CNTNAP5: variants seen among roughly 807,000 people sequenced by gnomAD.
CNTNAP5 encodes the protein contactin associated protein family member 5.
A neutral mutation model predicts 150.2 loss-of-function variants in CNTNAP5; 72 were observed. That is an observed-to-expected ratio of 0.48 (90% confidence interval 0.40 to 0.58). The LOEUF (loss-of-function observed/expected upper bound fraction) is 0.58, where lower values mean the gene tolerates loss of function less well. Ranked by LOEUF, CNTNAP5 falls within the 20% of genes least tolerant of loss-of-function variation. CNTNAP5 has a pLI of 0.00. For missense variants in CNTNAP5, 1,636 were observed against 1,626.2 expected (o/e 1.01, Z -0.10); for synonymous variants, 672 against 619.8 (o/e 1.08, Z -1.25).
intron 7 of CNTNAP5, among the ~76,000 whole-genome samples, chr2:124,484,414 GAAGT>G (rs1693824670): frequency 6.6e-6 from 1 of 152,162 alleles, no homozygotes; most frequent in Non-Finnish European, 1.5e-5. Context: ...ATCTTTGAAG[GAAGT>G]AAGATTAAAT....
In CNTNAP5 at chr2:124,707,602, T is replaced by A. The variant is rs13026815; in HGVS notation, c.2078-39627T>A. 7.8e-3 allele frequency among the ~76,000 whole-genome samples: 1,179 copies of A among 151,134 alleles called. 9 individuals carry two copies. The highest frequency in any genetic ancestry group is 0.024 in the Middle Eastern group (7 of 290). ...CAATATCCCAAACAAAATAATCACA[T>A]TCCTCGATGGCCAGAAATTGCTAGA... On this transcript the variant is annotated intron_variant, in intron 13 of 23. Transcript: ENST00000682447.
chr2:124,131,541 A>C (rs991005541), intron 1 of CNTNAP5, among the ~76,000 whole-genome samples: 1 of 152,144 alleles, frequency 6.6e-6, no homozygotes, highest in Non-Finnish European at 1.5e-5. Flanking sequence ...TGTTTCAGCA[A>C]ATTCAATGAT....
At chr2:124,183,366 G>A (rs1685254196) in intron 1 of CNTNAP5, among the ~76,000 whole-genome samples, 1 of 152,074 alleles carries the variant, frequency 6.6e-6, no homozygotes, top group Non-Finnish European at 1.5e-5. Flanking sequence ...ACCTTTAATG[G>A]TTTTCCATCT....
intron 1 of CNTNAP5, among the ~76,000 whole-genome samples, chr2:124,067,708 G>A (rs1682196599): frequency 6.6e-6 from 1 of 152,080 alleles, no homozygotes; most frequent in Non-Finnish European, 1.5e-5. Flanking sequence ...TTTAATCGTT[G>A]TGTTTTCAGA....
Position 124,917,204 on chromosome 2 carries a change from C to G in CNTNAP5, c.*2916C>G, listed in dbSNP as rs1678787568. Among the ~76,000 whole-genome samples the G allele has an allele frequency of 6.6e-6, 1 of 152,034 alleles. No individual in the cohort carries two copies. The highest frequency in any genetic ancestry group is 1.5e-5 in the Non-Finnish European group (1 of 67,960). ...CCACCATGATCTCTTCCACTTAAAT[C>G]CTCAGCCTTCAATAACTGCTGTTTA... On this transcript the variant is annotated 3_prime_UTR_variant, in exon 24 of 24. Transcript: ENST00000682447.
At chr2:124,570,567 C>T (rs1696128630) in intron 11 of CNTNAP5, among the ~76,000 whole-genome samples, 1 of 140,624 alleles carries the variant, frequency 7.1e-6, no homozygotes, top group South Asian at 2.2e-4. Context: ...TGTTGGGGAT[C>T]GGGTTGCTAA....
chr2:124,861,600 A>G (rs2104716203), intron 19 of CNTNAP5, among the ~76,000 whole-genome samples: 1 of 152,012 alleles, frequency 6.6e-6, no homozygotes, highest in East Asian at 1.9e-4. Context: ...AAACAAATAA[A>G]TAAATAAATA....
At chr2:124,320,090 C>G (rs760970998) in intron 3 of CNTNAP5, among the ~76,000 whole-genome samples, 3 of 152,224 alleles carry the variant, frequency 2.0e-5, no homozygotes, top group Non-Finnish European at 4.4e-5. Context: ...TGAACACCCA[C>G]TCTGATTCCA....
chr2:124,255,353 T>C (rs1687281039), intron 3 of CNTNAP5, among the ~76,000 whole-genome samples: 2 of 151,862 alleles, frequency 1.3e-5, no homozygotes, highest in African/African-American at 4.8e-5. Flanking sequence ...TGAAACTCCA[T>C]CTTTACTAAA....
At chr2:124,093,617 A>G (rs1682864853) in intron 1 of CNTNAP5, among the ~76,000 whole-genome samples, 1 of 151,848 alleles carries the variant, frequency 6.6e-6, no homozygotes, top group Non-Finnish European at 1.5e-5. Context: ...AAAATAAAGC[A>G]CATTTGATGT....
chr2:124,336,810 T>C (rs960023968), intron 3 of CNTNAP5, among the ~76,000 whole-genome samples: 11 of 152,122 alleles, frequency 7.2e-5, no homozygotes, highest in Non-Finnish European at 1.3e-4. Context: ...GTCTTTGCTA[T>C]TGTGAATAGT....
chr2:124,252,345 G>A (rs1393701754), intron 3 of CNTNAP5, among the ~76,000 whole-genome samples: 2 of 152,132 alleles, frequency 1.3e-5, no homozygotes, highest in African/African-American at 4.8e-5. Context: ...CTTGCATCAA[G>A]CTTGCTGCTC....
At chr2:124,841,968 C>A (rs891944712) in intron 19 of CNTNAP5, among the ~76,000 whole-genome samples, 1 of 151,838 alleles carries the variant, frequency 6.6e-6, no homozygotes, top group Non-Finnish European at 1.5e-5. Context: ...TAAAAAAAAA[C>A]CTTCAGAAAC....
At chr2:124,589,804 T>C (rs1483612782) in intron 11 of CNTNAP5, among the ~76,000 whole-genome samples, 1 of 152,208 alleles carries the variant, frequency 6.6e-6, no homozygotes, top group Non-Finnish European at 1.5e-5. Context: ...ACATGTAGAC[T>C]TGCACAATCA....
chr2:124,284,816 T>C (rs1558834074), intron 3 of CNTNAP5, among the ~76,000 whole-genome samples: 3 of 151,908 alleles, frequency 2.0e-5, no homozygotes, highest in Non-Finnish European at 1.5e-5. Context: ...TAAGGTGGAG[T>C]GTGTGCTGGG....
intron 13 of CNTNAP5, among the ~76,000 whole-genome samples, chr2:124,675,399 T>C (rs966767312): frequency 2.0e-5 from 3 of 152,094 alleles, no homozygotes; most frequent in Non-Finnish European, 4.4e-5. Context: ...CATTTAAATA[T>C]TCTCCATTTT....
chr2:124,463,135 G>A (rs909263365), intron 6 of CNTNAP5, among the ~76,000 whole-genome samples: 15 of 152,312 alleles, frequency 9.8e-5, no homozygotes, highest in Non-Finnish European at 1.9e-4. Context: ...GTTCAGGGCA[G>A]GAAGGCCCAC....
chr2:124,220,819 A>G (rs967510051), intron 1 of CNTNAP5, among the ~76,000 whole-genome samples: 6 of 152,118 alleles, frequency 3.9e-5, no homozygotes, highest in African/African-American at 1.4e-4. Context: ...GAAAGGCCCC[A>G]ACACTTAATA....
intron 10 of CNTNAP5, among the ~76,000 whole-genome samples, chr2:124,530,947 CAG>C (rs1695091035): frequency 1.3e-5 from 2 of 152,102 alleles, no homozygotes. Context: ...TTTTGGCATT[CAG>C]GGACTGGGGG....
Sources: gnomAD v4.1 joint callset for allele counts (sites outside exome capture counted in the v4.1 genomes callset) on GRCh38, gnomAD v4.1.1 for gene constraint, MANE v1.5 for transcripts, NCBI Gene and HGNC (gene_info 2026-07-23, HGNC 2026-07-21) for gene names.